SFXN5: variants seen among roughly 807,000 people sequenced by gnomAD.
SFXN5 encodes the protein sideroflexin 5.
In SFXN5, 43 loss-of-function variants were observed where a neutral mutation model predicts 50.2. That is an observed-to-expected ratio of 0.86 (90% CI 0.67 to 1.11). The LOEUF is 1.11. SFXN5 is among the 50% of genes least tolerant of loss of function. The pLI, the probability that SFXN5 is intolerant of heterozygous loss-of-function variation, is 0.00. For synonymous variants in SFXN5, 203 were observed against 185.8 expected (o/e 1.09, Z -0.75); for missense variants, 463 against 454.1 (o/e 1.02, Z -0.18).
intron 7 of SFXN5, 35 bp downstream of exon 7, chr2:73,001,490 T>G (rs750506694): frequency 6.2e-7 from 1 of 1,612,784 alleles, no homozygotes. Flanking sequence ...TGTGGGCCCT[T>G]CCTTCAGGAG....
chr2:73,017,108 T>C (rs935240399), intron 6 of SFXN5, among the ~76,000 whole-genome samples: 6 of 152,172 alleles, frequency 3.9e-5, no homozygotes, highest in Admixed American at 3.3e-4. Flanking sequence ...CAAATAATTG[T>C]AAATTGAACC....
intron 9 of SFXN5, 81 bp from the exon 10 acceptor site, chr2:72,988,429 A>T: frequency 8.2e-7 from 1 of 1,221,558 alleles, no homozygotes; most frequent in Non-Finnish European, 1.2e-6. Flanking sequence ...GAACTGGAGG[A>T]ACATCAGAGA....
chr2:72,971,083 C>T (rs1046774794), intron 11 of SFXN5, among the ~76,000 whole-genome samples: 14 of 152,234 alleles, frequency 9.2e-5, no homozygotes, highest in African/African-American at 2.4e-4. Flanking sequence ...CTCCAAACCT[C>T]TGCAAGCCTC....
chr2:73,048,051 T>C (rs1680745137), intron 2 of SFXN5, among the ~76,000 whole-genome samples: 1 of 152,216 alleles, frequency 6.6e-6, no homozygotes, highest in Non-Finnish European at 1.5e-5. Context: ...CATATACTCA[T>C]AGGTAAAAGT....
In SFXN5 at chr2:72,971,948, T is replaced by C. The variant is rs1302368405; in HGVS notation, c.626-263A>G. On this transcript the variant is annotated intron_variant, in intron 10 of 13. Transcript: ENST00000272433. Reference sequence around the variant, plus strand: ...CGTTCTGGCCTCAGAGAGCGGCCACTTACCGAGGGGCTGCTTTCCTCTCCT... The same window carrying C: ...CGTTCTGGCCTCAGAGAGCGGCCACCTACCGAGGGGCTGCTTTCCTCTCCT... 1.3e-5 allele frequency among the ~76,000 whole-genome samples: 2 copies of C among 152,144 alleles called. 1 individual carries two copies. Among genetic ancestry groups the C allele is most frequent in the Admixed American group, 1.3e-4 (2 of 15,274 alleles).
In SFXN5 at chr2:72,942,154, G is replaced by C. The variant is rs1235593141; in HGVS notation, c.*2868C>G. 1 of 152,230 alleles carries C rather than the reference G, an allele frequency of 6.6e-6. No homozygotes were observed. The highest frequency in any genetic ancestry group is 1.5e-5 in the Non-Finnish European group (1 of 68,052). 9.4% of individuals were successfully genotyped at this position (152,230 alleles called of 1,614,324 possible). On this transcript the variant is annotated 3_prime_UTR_variant, in exon 14 of 14. Transcript: ENST00000272433. ...AGGCCCCTGGGAGTGGCTGAGGCTTGCGTGCGGGGGCCTCACTCTCACTGG... is the reference window on the plus strand; with the variant it reads ...AGGCCCCTGGGAGTGGCTGAGGCTTCCGTGCGGGGGCCTCACTCTCACTGG...
At chr2:72,989,296 C>T (rs764365454) in intron 9 of SFXN5, among the ~76,000 whole-genome samples, 12 of 152,166 alleles carry the variant, frequency 7.9e-5, no homozygotes, top group Non-Finnish European at 1.6e-4. Context: ...TTCAGGCCCA[C>T]CCATGAGTTC....
intron 2 of SFXN5, among the ~76,000 whole-genome samples, chr2:73,054,980 C>T (rs1236286599): frequency 6.6e-6 from 1 of 152,240 alleles, no homozygotes; most frequent in East Asian, 1.9e-4. Context: ...TTCTGAGATG[C>T]AGTAGGAAAC....
At chr2:73,034,177 C>T (rs531241028) in intron 3 of SFXN5, among the ~76,000 whole-genome samples, 1 of 152,192 alleles carries the variant, frequency 6.6e-6, no homozygotes, top group Non-Finnish European at 1.5e-5. Flanking sequence ...GCACATCATA[C>T]AAATGACTCA....
rs1468337270 is a variant in SFXN5 at position 72,943,207 on chromosome 2, G to A, written c.*1815C>T. On this transcript the variant is annotated 3_prime_UTR_variant, in exon 14 of 14. Coordinates refer to ENST00000272433, the MANE Select transcript of SFXN5 (RefSeq NM_144579.3). The stretch of plus-strand genomic sequence containing the variant: ...AGGGCAATGTGCTGCAGAGCCAGCT[G>A]GTGGGCACCAGCGGCTGGCAGAGAG... 2 of 152,246 alleles carry A rather than the reference G, an allele frequency of 1.3e-5. No homozygotes were observed. Among genetic ancestry groups the A allele is most frequent in the Non-Finnish European group, 2.9e-5 (2 of 68,060 alleles). 9.4% of individuals were successfully genotyped at this position (152,246 alleles called of 1,614,324 possible).
Position 72,992,178 on chromosome 2 carries a change from G to A in SFXN5, c.535-3830C>T, listed in dbSNP as rs575766298. ...GTGAATTTGCCATGAGCAGCTGACA[G>A]GAGACCAGGGGAAAAGGAGGGAAGG... is the stretch of plus-strand genomic sequence containing the variant. On this transcript the variant is annotated intron_variant, in intron 9 of 13. Transcript: ENST00000272433. The surrounding 1 kb of genome is among the most constrained non-coding windows in gnomAD (Gnocchi z 4.5). Among the ~76,000 whole-genome samples the A allele has an allele frequency of 1.3e-5, 2 of 152,346 alleles. No homozygotes were observed. The highest frequency in any genetic ancestry group is 3.9e-4 in the East Asian group (2 of 5,182).
rs747126165 is a variant in SFXN5, at chr2:72,998,981, G to A, written c.502C>T (p.Leu168=). 24 of 1,614,074 alleles carry A rather than the reference G, an allele frequency of 1.5e-5. No homozygotes were observed. The highest frequency in any genetic ancestry group is 1.9e-5 in the Non-Finnish European group (22 of 1,180,040). The part of the protein sequence containing the change: ...SPASKFIQGY[L]GAVISAVSIA... ...GAGACGGCGCTGATGACAGCTCCCAGGTATCCCTGGATGAACTTGGATGCA... is the reference window on the plus strand; with the variant it reads ...GAGACGGCGCTGATGACAGCTCCCAAGTATCCCTGGATGAACTTGGATGCA... The change falls in exon 9 of 14, where the codon CTG becomes TTG. Residue 168 remains leucine (L), a synonymous_variant. Transcript: ENST00000272433.
rs570594630 is a variant in SFXN5, at chr2:73,047,796, C to G, written c.172-6865G>C. ...TCCTTATTAGCAGCATGAGAACAGACTAATACAGTAAATGTGAAATATTTA... is the reference window on the plus strand; with the variant it reads ...TCCTTATTAGCAGCATGAGAACAGAGTAATACAGTAAATGTGAAATATTTA... On this transcript the variant is annotated intron_variant, in intron 2 of 13. Coordinates refer to ENST00000272433, the MANE Select transcript of SFXN5 (RefSeq NM_144579.3). 2.2e-4 allele frequency among the ~76,000 whole-genome samples: 33 copies of G among 152,196 alleles called. No homozygotes were observed. The South Asian group carries it at 6.6e-3, about 31-fold the overall frequency.
intron 13 of SFXN5, among the ~76,000 whole-genome samples, chr2:72,952,127 C>A (rs1260629451): frequency 6.6e-6 from 1 of 152,238 alleles, no homozygotes; most frequent in Non-Finnish European, 1.5e-5. Flanking sequence ...CCACTACCTT[C>A]TCAGTGAAAG....
At position 73,071,670 on chromosome 2, in the gene SFXN5, C is replaced by T. The variant is rs774482608; in HGVS notation, c.36G>A (p.Ala12=). Residue 12 remains alanine, a synonymous_variant, in exon 1 of 14, where the codon GCG becomes GCA. Transcript: ENST00000272433. ...ADTATTASAA[A]ASAASASSDA... ...CGCTCGAGGCGCTAGCGGCACTAGC[C>T]GCCGCCGCCGATGCTGTAGTCGCTG... 7 of 1,603,944 alleles carry T rather than the reference C, an allele frequency of 4.4e-6. No individual in the cohort carries two copies. In the Admixed American group the frequency reaches 8.5e-5, roughly 19 times the overall value.
rs1055336094 is a variant in SFXN5, at chr2:72,992,969, C to T, written c.535-4621G>A. Among the ~76,000 whole-genome samples the T allele has an allele frequency of 2.0e-5, 3 of 152,146 alleles. No homozygotes were observed. Among genetic ancestry groups the T allele is most frequent in the Non-Finnish European group, 4.4e-5 (3 of 68,034 alleles). ...AGGCTCCTGAGGAAGGGGATGCCTG[C>T]CTGAGCCCTGAATAGGAGGCTAGGA... On this transcript the variant is annotated intron_variant, in intron 9 of 13. Coordinates refer to ENST00000272433, the MANE Select transcript of SFXN5 (RefSeq NM_144579.3). The surrounding 1 kb of genome is among the most constrained non-coding windows in gnomAD (Gnocchi z 4.5).
chr2:73,004,315 GCACACACACACACACACA>G (rs59114781), intron 6 of SFXN5, among the ~76,000 whole-genome samples: 29 of 115,666 alleles, frequency 2.5e-4, no homozygotes, highest in Non-Finnish European at 1.2e-4. Flanking sequence ...GAGTGCGCGC[GCACACACACACACACACA>G]CACACACACA....
chr2:72,994,226 CA>C (rs749323541), intron 9 of SFXN5, among the ~76,000 whole-genome samples: 2 of 152,190 alleles, frequency 1.3e-5, no homozygotes, highest in African/African-American at 2.4e-5. Context: ...AACACCTAAA[CA>C]ATGCCTGGCG....
intron 3 of SFXN5, among the ~76,000 whole-genome samples, chr2:73,032,660 C>G (rs558969840): frequency 6.6e-6 from 1 of 152,352 alleles, no homozygotes; most frequent in South Asian, 2.1e-4. Flanking sequence ...GCCCCACCCC[C>G]AATCTGGCTC....
Sources: gnomAD v4.1 joint callset for allele counts (sites outside exome capture counted in the v4.1 genomes callset) on GRCh38, gnomAD v4.1.1 for gene constraint, Gnocchi (gnomAD v3.1) non-coding constraint, MANE v1.5 for transcripts, NCBI Gene and HGNC (gene_info 2026-07-23, HGNC 2026-07-21) for gene names.